Variants in UBE2D1 observed in about 807,000 individuals in gnomAD.
UBE2D1 encodes ubiquitin conjugating enzyme E2 D1, also known as ubiquitin-conjugating enzyme E2 D1.
Under a neutral mutation model 24.6 loss-of-function variants are expected in UBE2D1, and 9 were observed. The ratio of observed to expected loss-of-function variants is 0.37; its 90% CI spans 0.22 to 0.64. UBE2D1 has a LOEUF of 0.64. UBE2D1 is among the 30% of genes least tolerant of loss of function. UBE2D1 has a pLI of 0.64. For missense variants in UBE2D1, 87 were observed against 177.1 expected (o/e 0.49, Z 2.89); for synonymous variants, 57 against 57.6 (o/e 0.99, Z 0.04).
Position 58,368,872 on chromosome 10 carries a change from A to G in UBE2D1, c.*107A>G. 1 of 668,462 alleles carries G rather than the reference A, an allele frequency of 1.5e-6. No homozygotes were observed. Among genetic ancestry groups the G allele is most frequent in the East Asian group, 3.2e-5 (1 of 30,978 alleles). The allele number at this position is 668,462 out of a possible 1,614,324, so 41.4% of individuals were successfully genotyped here. ...TACTGTTTCATTGTACCATGAAACC[A>G]TTTGATTTTTACCCATTTTAAATGT... On this transcript the variant is annotated 3_prime_UTR_variant, in exon 7 of 7. Transcript: ENST00000373910.
At chr10:58,364,689 A>G in intron 4 of UBE2D1, 82 bp from the exon 5 acceptor site, 1 of 941,316 alleles carries the variant, frequency 1.1e-6, no homozygotes, top group Non-Finnish European at 1.6e-6. Flanking sequence ...AGGATATTTT[A>G]CCCTAGAGCA....
intron 6 of UBE2D1, chr10:58,368,376 T>C: frequency 4.0e-6 from 1 of 251,630 alleles, no homozygotes; most frequent in Non-Finnish European, 7.6e-6. Flanking sequence ...GACCTAATTC[T>C]CAAGCTGCTT....
At chr10:58,351,941 T>G (rs7907716) in intron 1 of UBE2D1, among the ~76,000 whole-genome samples, 7,391 of 152,204 alleles carry the variant, frequency 0.049, 343 homozygotes, top group African/African-American at 0.12. Context: ...TGCAATCAGT[T>G]GATTGAGACA....
intron 1 of UBE2D1, among the ~76,000 whole-genome samples, chr10:58,337,875 C>A (rs188979258): frequency 6.6e-6 from 1 of 151,666 alleles, no homozygotes; most frequent in Non-Finnish European, 1.5e-5. Context: ...GAGATGGAGT[C>A]TTGCTATGTT....
At chr10:58,339,594 A>C (rs574970328) in intron 1 of UBE2D1, among the ~76,000 whole-genome samples, 74 of 152,160 alleles carry the variant, frequency 4.9e-4, no homozygotes, top group African/African-American at 1.7e-3. Context: ...ATATTAATTG[A>C]CTTAATTCTT....
chr10:58,347,639 CTTTTTT>C (rs774396274), intron 1 of UBE2D1, among the ~76,000 whole-genome samples: 2 of 116,226 alleles, frequency 1.7e-5, no homozygotes, highest in Non-Finnish European at 3.5e-5. Flanking sequence ...AAATTACACT[CTTTTTT>C]TTTTTTTTTT....
chr10:58,341,363 A>G (rs1354474472), intron 1 of UBE2D1, among the ~76,000 whole-genome samples: 1 of 152,236 alleles, frequency 6.6e-6, no homozygotes, highest in East Asian at 1.9e-4. Flanking sequence ...ATTTTGGGAT[A>G]AATGGTTTTC....
intron 5 of UBE2D1, among the ~76,000 whole-genome samples, chr10:58,366,800 C>G (rs1312027235): frequency 6.6e-6 from 1 of 151,890 alleles, no homozygotes; most frequent in Admixed American, 6.6e-5. Flanking sequence ...CCAGGCTGGT[C>G]TCGAACTCCT....
chr10:58,342,447 G>A (rs983297157), intron 1 of UBE2D1, among the ~76,000 whole-genome samples: 1 of 151,910 alleles, frequency 6.6e-6, no homozygotes, highest in Non-Finnish European at 1.5e-5. Context: ...TCTCATTCTA[G>A]GTGGCCACCC....
intron 1 of UBE2D1, among the ~76,000 whole-genome samples, chr10:58,341,375 T>G (rs1683384314): frequency 6.6e-6 from 1 of 152,226 alleles, no homozygotes; most frequent in African/African-American, 2.4e-5. Flanking sequence ...ATGGTTTTCC[T>G]TGAGATGAGA....
chr10:58,353,878 A>G (rs1840102901), intron 1 of UBE2D1, among the ~76,000 whole-genome samples: 1 of 152,152 alleles, frequency 6.6e-6, no homozygotes, highest in Admixed American at 6.5e-5. Context: ...AATTTGAGAT[A>G]TTTATCTTCT....
intron 1 of UBE2D1, among the ~76,000 whole-genome samples, chr10:58,342,489 G>A (rs1051091071): frequency 6.6e-6 from 1 of 151,960 alleles, no homozygotes; most frequent in African/African-American, 2.4e-5. Flanking sequence ...GGAGTAGTAT[G>A]GTTGGATTGT....
rs534807618 is a variant in UBE2D1 at position 58,338,605 on chromosome 10, G to A, written c.24+3380G>A. 2.2e-4 allele frequency among the ~76,000 whole-genome samples: 33 copies of A among 151,988 alleles called. 1 individual carries two copies. Among genetic ancestry groups the A allele is most frequent in the Admixed American group, 1.0e-3 (16 of 15,294 alleles). Reference sequence around the variant, plus strand: ...TCATTACTTGAAACACTTTTTTTGGGGAGGATTATTTTTTAAATTACAGGT... The same window carrying A: ...TCATTACTTGAAACACTTTTTTTGGAGAGGATTATTTTTTAAATTACAGGT... On this transcript the variant is annotated intron_variant, in intron 1 of 6. Coordinates refer to ENST00000373910, the MANE Select transcript of UBE2D1 (RefSeq NM_003338.5).
chr10:58,337,571 C>T (rs2132311617), intron 1 of UBE2D1, among the ~76,000 whole-genome samples: 2 of 152,010 alleles, frequency 1.3e-5, no homozygotes, highest in East Asian at 3.9e-4. Context: ...TTTTCCTGTA[C>T]CTATAGATGG....
At chr10:58,341,755 A>G (rs1839964138) in intron 1 of UBE2D1, among the ~76,000 whole-genome samples, 1 of 152,190 alleles carries the variant, frequency 6.6e-6, no homozygotes, top group Non-Finnish European at 1.5e-5. Flanking sequence ...GAGTGCTACT[A>G]ATAGAAATGA....
At chr10:58,353,902 T>G (rs1237649310) in intron 1 of UBE2D1, among the ~76,000 whole-genome samples, 1 of 152,232 alleles carries the variant, frequency 6.6e-6, no homozygotes, top group African/African-American at 2.4e-5. Flanking sequence ...GATGAAATTT[T>G]TCTTTAAATT....
rs924228982 is a variant in UBE2D1, at chr10:58,364,951, T to G, written c.304+75T>G. On this transcript the variant is annotated intron_variant, in intron 5 of 6. Transcript: ENST00000373910. Reference sequence around the variant, plus strand: ...AAATACAGCAGAATTACCTATGGACTAAAGTTTTAAAACAACAATCAACTG... The same window carrying G: ...AAATACAGCAGAATTACCTATGGACGAAAGTTTTAAAACAACAATCAACTG... The G allele has an allele frequency of 9.4e-6, 11 of 1,176,252 alleles. No homozygotes were observed. In the Admixed American group the frequency reaches 2.2e-4, roughly 24 times the overall value. The allele number at this position is 1,176,252 out of a possible 1,614,324, so 72.9% of individuals were successfully genotyped here.
At chr10:58,366,853 A>G (rs1840261261) in intron 5 of UBE2D1, among the ~76,000 whole-genome samples, 1 of 152,108 alleles carries the variant, frequency 6.6e-6, no homozygotes, top group South Asian at 2.1e-4. Context: ...AGTAGCTGGC[A>G]TTATAGGCAC....
At chr10:58,361,428 A>G in intron 2 of UBE2D1, 27 bp downstream of exon 2, 1 of 1,614,172 alleles carries the variant, frequency 6.2e-7, no homozygotes, top group Non-Finnish European at 8.5e-7. Context: ...TTCTGGGATT[A>G]TGCTACCTTT....
Sources: allele counts gnomAD v4.1 joint callset (sites outside exome capture counted in the v4.1 genomes callset), GRCh38; gene constraint gnomAD v4.1.1; transcripts MANE v1.5; gene names NCBI Gene and HGNC (gene_info 2026-07-23, HGNC 2026-07-21).